Variants in ROBO2 observed in about 807,000 individuals in gnomAD.
ROBO2 encodes the protein roundabout homolog 2.
Under a neutral mutation model 160.8 loss-of-function variants are expected in ROBO2, and 53 were observed. That is an observed-to-expected ratio of 0.33 (90% confidence interval 0.26 to 0.41). The LOEUF (loss-of-function observed/expected upper bound fraction) is 0.41, where lower values mean the gene tolerates loss of function less well. Ranked by LOEUF, ROBO2 falls within the 10% of genes least tolerant of loss-of-function variation. ROBO2 has a pLI of 1.00. For missense variants in ROBO2, 1,577 were observed against 1,722.4 expected (o/e 0.92, Z 1.49); for synonymous variants, 664 against 611.7 (o/e 1.09, Z -1.26).
intron 2 of ROBO2, among the ~76,000 whole-genome samples, chr3:77,026,886 C>T (rs1486140732): frequency 3.3e-5 from 5 of 152,164 alleles, no homozygotes; most frequent in Admixed American, 6.5e-5. Context: ...GAAGACCAAT[C>T]TACAAATAGG....
rs182125025 is a variant in ROBO2, at chr3:76,217,714, G to A, written c.109+280112G>A. On this transcript the variant is annotated intron_variant, in intron 2 of 26. Coordinates refer to the ROBO2 transcript ENST00000487694. Reference sequence around the variant, plus strand: ...AAATCCAGGACCAGATGGATATACAGCGGAATTCTACCAGAGGTACAAGGA... The same window carrying A: ...AAATCCAGGACCAGATGGATATACAACGGAATTCTACCAGAGGTACAAGGA... 3.3e-5 allele frequency among the ~76,000 whole-genome samples: 5 copies of A among 152,288 alleles called. No homozygotes were observed. In the South Asian group the frequency reaches 8.3e-4, roughly 25 times the overall value.
At chr3:77,488,024 G>A (rs2085593618) in intron 4 of ROBO2, among the ~76,000 whole-genome samples, 1 of 152,044 alleles carries the variant, frequency 6.6e-6, no homozygotes, top group Non-Finnish European at 1.5e-5. Flanking sequence ...CAGATTTATG[G>A]TATTTTGTGT....
chr3:76,679,473 C>T (rs920157035), intron 2 of ROBO2, among the ~76,000 whole-genome samples: 3 of 152,150 alleles, frequency 2.0e-5, no homozygotes, highest in South Asian at 4.1e-4. Flanking sequence ...ACGTATGTTT[C>T]TATGTAGTTA....
At chr3:77,510,587 G>T (rs1410448573) in intron 5 of ROBO2, among the ~76,000 whole-genome samples, 1 of 152,044 alleles carries the variant, frequency 6.6e-6, no homozygotes, top group East Asian at 1.9e-4. Context: ...ATTTATTGAG[G>T]ATTTACTATG....
Position 77,265,407 on chromosome 3 carries a change from C to T in ROBO2, c.388+167067C>T, listed in dbSNP as rs137891576. 3.8e-3 allele frequency among the ~76,000 whole-genome samples: 576 copies of T among 152,180 alleles called. 5 individuals carry two copies. The highest frequency in any genetic ancestry group is 0.013 in the African/African-American group (554 of 41,528). ...TAACATCTGTTTTAAAACTCAATGC[C>T]TTTTACAAGTTTATATGCCTTGATA... On this transcript the variant is annotated intron_variant, in intron 2 of 25. Transcript: ENST00000461745.
chr3:77,208,515 T>C (rs1234500732), intron 2 of ROBO2, among the ~76,000 whole-genome samples: 2 of 152,148 alleles, frequency 1.3e-5, no homozygotes, highest in African/African-American at 4.8e-5. Flanking sequence ...TGTCAGTGTG[T>C]TTTCATTGAC....
chr3:76,668,257 G>T (rs566868588), intron 2 of ROBO2, among the ~76,000 whole-genome samples: 18 of 139,284 alleles, frequency 1.3e-4, no homozygotes, highest in African/African-American at 4.8e-4. Flanking sequence ...GTGCTACCAC[G>T]CCCAGCTATT....
In ROBO2 at chr3:76,629,502, A is replaced by G. The variant is rs77040239; in HGVS notation, c.110-468512A>G. On this transcript the variant is annotated intron_variant, in intron 2 of 26. Coordinates refer to the ROBO2 transcript ENST00000487694. ...TGAGGACAGGAAGCATCCTGCATGC[A>G]GAAAGATGCAGGCCAAAAGACTAAA... 1.6e-3 allele frequency among the ~76,000 whole-genome samples: 238 copies of G among 152,296 alleles called. 4 individuals are homozygous for G. The East Asian group carries it at 0.045, about 29-fold the overall frequency.
intron 2 of ROBO2, among the ~76,000 whole-genome samples, chr3:77,305,108 T>C (rs2062987407): frequency 6.6e-6 from 1 of 152,244 alleles, no homozygotes. Flanking sequence ...AGTACAATTG[T>C]ATTTGAAAAG....
At position 75,961,463 on chromosome 3, in the gene ROBO2, A is replaced by G. The variant is rs555625590; in HGVS notation, c.109+23861A>G. Among the ~76,000 whole-genome samples the G allele has an allele frequency of 2.0e-5, 3 of 151,774 alleles. No homozygotes were observed. In the South Asian group the frequency reaches 6.2e-4, roughly 31 times the overall value. ...TTGAGTCCGGTTTCTTCTAAATACT[A>G]TGCTCCACTGTAAATACATGAGATT... On this transcript the variant is annotated intron_variant, in intron 2 of 26. Transcript: ENST00000487694.
chr3:77,303,404 G>A (rs2062820171), intron 2 of ROBO2, among the ~76,000 whole-genome samples: 1 of 152,088 alleles, frequency 6.6e-6, no homozygotes, highest in African/African-American at 2.4e-5. Context: ...TTGGGGCTAA[G>A]GTAGGTTTCT....
chr3:77,629,297 G>A (rs1490682832), intron 23 of ROBO2: 1 of 152,136 alleles, frequency 6.6e-6, no homozygotes, highest in African/African-American at 2.4e-5. Flanking sequence ...CTACCGTGGT[G>A]TAGGATTTAC....
intron 2 of ROBO2, among the ~76,000 whole-genome samples, chr3:76,742,955 A>G (rs2108068743): frequency 6.6e-6 from 1 of 152,246 alleles, no homozygotes; most frequent in South Asian, 2.1e-4. Flanking sequence ...TTATGATGAA[A>G]CATGAGCAAA....
intron 22 of ROBO2, 96 bp from the exon 24 acceptor site, chr3:77,622,131 C>T (rs2094914291): frequency 5.7e-6 from 6 of 1,057,396 alleles, no homozygotes; most frequent in Middle Eastern, 3.0e-4. Context: ...AGGAAGAAGA[C>T]AGTATGAGTT....
chr3:75,941,609 T>A (rs567852853), intron 2 of ROBO2, among the ~76,000 whole-genome samples: 108 of 152,296 alleles, frequency 7.1e-4, no homozygotes, highest in African/African-American at 2.5e-3. Context: ...CGCTTACAAC[T>A]GTAGGAAACT....
intron 2 of ROBO2, among the ~76,000 whole-genome samples, chr3:77,144,328 C>T (rs948887619): frequency 6.6e-6 from 1 of 152,140 alleles, no homozygotes. Flanking sequence ...CAATTTGTCC[C>T]CCATATTTAA....
intron 2 of ROBO2, among the ~76,000 whole-genome samples, chr3:76,396,189 A>T (rs1222094452): frequency 2.6e-5 from 4 of 152,166 alleles, no homozygotes; most frequent in African/African-American, 9.7e-5. Context: ...AATAAATGTA[A>T]TCCAGCATAT....
intron 1 of ROBO2, among the ~76,000 whole-genome samples, chr3:77,050,908 C>T (rs2065169700): frequency 6.6e-6 from 1 of 151,002 alleles, no homozygotes; most frequent in Non-Finnish European, 1.5e-5. Flanking sequence ...GTCCCAGCTA[C>T]TTGGGAGGCT....
At chr3:77,533,238 A>G (rs2153636416) in intron 6 of ROBO2, among the ~76,000 whole-genome samples, 1 of 152,192 alleles carries the variant, frequency 6.6e-6, no homozygotes, top group African/African-American at 2.4e-5. Context: ...AGGGGTGTGC[A>G]TTTTCCTATA....
Sources: allele counts gnomAD v4.1 joint callset (sites outside exome capture counted in the v4.1 genomes callset), GRCh38; gene constraint gnomAD v4.1.1; transcripts MANE v1.5; gene names NCBI Gene and HGNC (gene_info 2026-07-23, HGNC 2026-07-21).